SH3RF2: variants seen among roughly 807,000 people sequenced by gnomAD.
SH3RF2 encodes SH3 domain containing ring finger 2.
Under a neutral mutation model 59.0 loss-of-function variants are expected in SH3RF2, and 43 were observed. The ratio of observed to expected loss-of-function variants is 0.73; its 90% CI spans 0.57 to 0.94. The LOEUF is 0.94. Among genes scored for constraint, SH3RF2 ranks in the 40% least tolerant of loss-of-function variants. SH3RF2 has a pLI of 0.00. For missense variants in SH3RF2, 930 were observed against 940.1 expected (o/e 0.99, Z 0.14); for synonymous variants, 391 against 391.5 (o/e 1.00, Z 0.01).
intron 2 of SH3RF2, among the ~76,000 whole-genome samples, chr5:145,963,519 G>A (rs573900235): frequency 1.3e-5 from 2 of 152,298 alleles, no homozygotes; most frequent in East Asian, 3.9e-4. Flanking sequence ...ATTAGGATTA[G>A]CTGAGTGAGG....
chr5:146,040,168 A>AG (rs1302053947), intron 5 of SH3RF2, among the ~76,000 whole-genome samples: 1 of 152,172 alleles, frequency 6.6e-6, no homozygotes, highest in East Asian at 1.9e-4. Context: ...GAATATGCAG[A>AG]GGGCTTCTAA....
chr5:145,997,151 C>T (rs1760197229), intron 2 of SH3RF2: 7 of 683,626 alleles, frequency 1.0e-5, no homozygotes. Flanking sequence ...AATGAGACTT[C>T]CTGTTGCTCC....
At chr5:146,072,122 T>C (rs1004150874) in intron 9 of SH3RF2, among the ~76,000 whole-genome samples, 3 of 152,176 alleles carry the variant, frequency 2.0e-5, no homozygotes, top group Admixed American at 2.0e-4. Flanking sequence ...GAGTCATATA[T>C]CCCTGGGTTC....
chr5:146,064,780 G>GAAAGGAAGGAAGGA (rs779163252), downstream of SH3RF2, among the ~76,000 whole-genome samples: 198 of 21,432 alleles, frequency 9.2e-3, 25 homozygotes, highest in Middle Eastern at 0.033. Context: ...GGAAGGAAAG[G>GAAAGGAAGGAAGGA]AAGGAAGGAA....
chr5:145,995,337 A>G (rs1307653110), intron 2 of SH3RF2, among the ~76,000 whole-genome samples: 1 of 152,184 alleles, frequency 6.6e-6, no homozygotes, highest in Admixed American at 6.5e-5. Flanking sequence ...TACCCAGAAA[A>G]ATGTGATATT....
intron 8 of SH3RF2, among the ~76,000 whole-genome samples, chr5:146,056,475 G>A (rs1174679461): frequency 6.6e-6 from 1 of 152,168 alleles, no homozygotes; most frequent in Non-Finnish European, 1.5e-5. Context: ...ATTAGAACAT[G>A]GCCAACGTGG....
chr5:145,937,921 G>C lies in SH3RF2; in HGVS notation c.-8G>C, dbSNP rs1276241119. ...TCCTCCAGGTGGGAACTGGAGTTTT[G>C]AAATAAAATGGATGATTTGACGTTA... On this transcript the variant is annotated 5_prime_UTR_variant, in exon 2 of 10. Coordinates refer to ENST00000359120, the MANE Select transcript of SH3RF2 (RefSeq NM_152550.4). 3 of 1,608,666 alleles carry C rather than the reference G, an allele frequency of 1.9e-6. No individual in the cohort carries two copies. Among genetic ancestry groups the C allele is most frequent in the African/African-American group, 2.7e-5 (2 of 74,784 alleles).
At chr5:146,016,355 GA>G (rs1761101560) in intron 5 of SH3RF2, among the ~76,000 whole-genome samples, 1 of 29,806 alleles carries the variant, frequency 3.4e-5, no homozygotes, top group African/African-American at 1.8e-4. Flanking sequence ...TAGGTAAGTA[GA>G]TGGATGGATG....
At chr5:145,975,982 C>G (rs1184094916) in intron 2 of SH3RF2, among the ~76,000 whole-genome samples, 2 of 152,168 alleles carry the variant, frequency 1.3e-5, no homozygotes, top group Admixed American at 6.5e-5. Context: ...AATGGTGTTG[C>G]CTCAAATACA....
In SH3RF2 at chr5:146,041,957, A is replaced by G. The variant is rs148162432; in HGVS notation, c.1060-5815A>G. ...AAAAAATAAAAAATAAATAAAATAA[A>G]ATGTAGCCCTTCTCTCAACTCTGAG... On this transcript the variant is annotated intron_variant, in intron 5 of 9. Coordinates refer to ENST00000359120, the MANE Select transcript of SH3RF2 (RefSeq NM_152550.4). Among the ~76,000 whole-genome samples, 3 of 152,192 alleles carry G rather than the reference A, an allele frequency of 2.0e-5. No homozygotes were observed. In the East Asian group the frequency reaches 5.8e-4, roughly 29 times the overall value.
At chr5:146,049,901 T>C (rs1209002271) in intron 7 of SH3RF2, among the ~76,000 whole-genome samples, 2 of 152,008 alleles carry the variant, frequency 1.3e-5, no homozygotes, top group Admixed American at 6.6e-5. Flanking sequence ...CCCAAAACTA[T>C]CCATGACTCC....
chr5:146,016,440 T>C (rs1018528310), intron 5 of SH3RF2, among the ~76,000 whole-genome samples: 1 of 152,070 alleles, frequency 6.6e-6, no homozygotes, highest in Non-Finnish European at 1.5e-5. Context: ...GATAGATAGA[T>C]AAATAGATAC....
intron 2 of SH3RF2, among the ~76,000 whole-genome samples, chr5:145,987,938 G>A (rs1223238475): frequency 6.6e-6 from 1 of 152,116 alleles, no homozygotes; most frequent in Admixed American, 6.6e-5. Flanking sequence ...GTGCTCAGGG[G>A]TCCCAAGATC....
intron 2 of SH3RF2, among the ~76,000 whole-genome samples, chr5:145,939,597 ATTGTGC>A (rs1369575496): frequency 6.6e-6 from 1 of 152,130 alleles, no homozygotes; most frequent in Non-Finnish European, 1.5e-5. Context: ...TTTTATTGCC[ATTGTGC>A]TTGTAAGTGA....
chr5:146,060,136 T>C lies in SH3RF2; in HGVS notation c.1826T>C (p.Ile609Thr). Reference protein sequence around the residue: ...SLIMEDKEIPIKSEPLPKPPA... With the variant: ...SLIMEDKEIPTKSEPLPKPPA... ...ATTATGGAAGACAAAGAAATCCCCA[T>C]CAAGAGTGAGCCTCTGCCAAAACCG... The change falls in exon 9 of 10, where the codon ATC (isoleucine) becomes ACC (threonine). Residue 609 changes from isoleucine (I) to threonine (T), a missense_variant. By Grantham distance (89) the Ile-to-Thr change is moderately conservative (BLOSUM62 -1). Transcript: ENST00000359120. 1 of 1,614,046 alleles carries C rather than the reference T, an allele frequency of 6.2e-7. No homozygotes were observed. Among genetic ancestry groups the C allele is most frequent in the Non-Finnish European group, 8.5e-7 (1 of 1,179,992 alleles).
At chr5:146,031,938 A>G (rs1297976171) in intron 5 of SH3RF2, among the ~76,000 whole-genome samples, 2 of 152,160 alleles carry the variant, frequency 1.3e-5, no homozygotes, top group Admixed American at 6.5e-5. Flanking sequence ...GCACCTCACA[A>G]TGATGCATGC....
chr5:145,984,095 G>A (rs1231186629), intron 2 of SH3RF2, among the ~76,000 whole-genome samples: 3 of 152,000 alleles, frequency 2.0e-5, no homozygotes, highest in African/African-American at 7.3e-5. Context: ...ACAAATAAAT[G>A]AGTGCTTACT....
chr5:146,054,250 CAG>C (rs1188280125), intron 7 of SH3RF2, among the ~76,000 whole-genome samples: 2 of 152,258 alleles, frequency 1.3e-5, no homozygotes, highest in South Asian at 2.1e-4. Flanking sequence ...GAATCCAGCT[CAG>C]TGCTGAGCTC....
chr5:146,077,154 T>A (rs1476692772), intron 9 of SH3RF2, among the ~76,000 whole-genome samples: 1 of 152,152 alleles, frequency 6.6e-6, no homozygotes, highest in Non-Finnish European at 1.5e-5. Context: ...GTCATAAAGA[T>A]CGAACTTCTG....
Sources: allele counts gnomAD v4.1 joint callset (sites outside exome capture counted in the v4.1 genomes callset), GRCh38; gene constraint gnomAD v4.1.1; transcripts MANE v1.5; gene names NCBI Gene and HGNC (gene_info 2026-07-23, HGNC 2026-07-21).